APBB1IP: variants seen among roughly 807,000 people sequenced by gnomAD.
APBB1IP encodes amyloid beta A4 precursor protein-binding family B member 1-interacting protein.
APBB1IP carries 27 observed loss-of-function variants against 64.9 expected under a neutral mutation model. The observed-to-expected ratio is 0.42, with a 90% CI of 0.31 to 0.57. The LOEUF is 0.57. Ranked by LOEUF, APBB1IP falls within the 20% of genes least tolerant of loss-of-function variation. The pLI, the probability that APBB1IP is intolerant of heterozygous loss-of-function variation, is 0.20. For missense variants in APBB1IP, 812 were observed against 845.5 expected, an observed-to-expected ratio of 0.96 and a Z score of 0.49; for synonymous variants, 392 against 331.0, an observed-to-expected ratio of 1.18 and a Z score of -2.00.
chr10:26,486,801 G>A (rs1014203055), intron 2 of APBB1IP, among the ~76,000 whole-genome samples: 1 of 152,128 alleles, frequency 6.6e-6, no homozygotes, highest in African/African-American at 2.4e-5. Flanking sequence ...ATGTATCCAG[G>A]TGGAAAAGAG....
intron 2 of APBB1IP, among the ~76,000 whole-genome samples, chr10:26,491,147 C>G (rs754333562): frequency 6.6e-6 from 1 of 151,898 alleles, no homozygotes; most frequent in Non-Finnish European, 1.5e-5. Flanking sequence ...GGCATGGTGG[C>G]GGGTGCCTGT....
chr10:26,541,875 AC>A (rs1369388092), intron 11 of APBB1IP, among the ~76,000 whole-genome samples, 183 bp downstream of exon 11: 4 of 152,204 alleles, frequency 2.6e-5, no homozygotes, highest in Admixed American at 2.6e-4. Context: ...TCCTATCTGA[AC>A]CTAAAACTTT....
intron 8 of APBB1IP, 38 bp downstream of exon 8, chr10:26,513,698 C>A: frequency 6.6e-7 from 1 of 1,526,420 alleles, no homozygotes; most frequent in South Asian, 1.2e-5. Context: ...CTATAAAGTA[C>A]AAAGGATTTT....
chr10:26,556,711 A>G (rs1836899000), intron 11 of APBB1IP, among the ~76,000 whole-genome samples: 1 of 152,210 alleles, frequency 6.6e-6, no homozygotes, highest in South Asian at 2.1e-4. Context: ...TGCTCTGGAA[A>G]CTTGGTTCTC....
intron 14 of APBB1IP, among the ~76,000 whole-genome samples, chr10:26,566,397 G>A (rs1309833475): frequency 6.6e-6 from 1 of 152,110 alleles, no homozygotes; most frequent in Non-Finnish European, 1.5e-5. Flanking sequence ...CGGGACTACG[G>A]GCGTCTGCCA....
intron 2 of APBB1IP, among the ~76,000 whole-genome samples, chr10:26,483,915 C>T (rs1588580469): frequency 6.6e-6 from 1 of 152,126 alleles, no homozygotes; most frequent in Non-Finnish European, 1.5e-5. Context: ...GTCTTGCTCA[C>T]AAATATTCTG....
chr10:26,566,837 C>A, intron 14 of APBB1IP, 124 bp from the exon 15 acceptor site: 1 of 1,109,454 alleles, frequency 9.0e-7, no homozygotes, highest in Non-Finnish European at 1.2e-6. Context: ...GCAGTAAGTC[C>A]AGATCGCGCC....
chr10:26,464,965 A>G (rs1564351948), intron 2 of APBB1IP, among the ~76,000 whole-genome samples: 2 of 152,270 alleles, frequency 1.3e-5, no homozygotes, highest in African/African-American at 4.8e-5. Flanking sequence ...TGAATTAAAT[A>G]GAGAATTCAC....
intron 2 of APBB1IP, among the ~76,000 whole-genome samples, chr10:26,439,766 C>T (rs372841639): frequency 1.2e-4 from 19 of 152,306 alleles, no homozygotes; most frequent in East Asian, 9.6e-4. Flanking sequence ...ATTATGCCCC[C>T]AGATGTTTTT....
chr10:26,450,137 G>A (rs1481826670), intron 2 of APBB1IP, among the ~76,000 whole-genome samples: 1 of 152,126 alleles, frequency 6.6e-6, no homozygotes, highest in Non-Finnish European at 1.5e-5. Flanking sequence ...TTAAACGCTG[G>A]GCAGTTTTGC....
At chr10:26,557,646 G>A (rs887803588) in intron 11 of APBB1IP, among the ~76,000 whole-genome samples, 1 of 152,136 alleles carries the variant, frequency 6.6e-6, no homozygotes, top group Non-Finnish European at 1.5e-5. Flanking sequence ...GGAATATATA[G>A]TAACCTCTCT....
At chr10:26,467,068 T>C (rs1480267705) in intron 2 of APBB1IP, among the ~76,000 whole-genome samples, 1 of 152,156 alleles carries the variant, frequency 6.6e-6, no homozygotes, top group Non-Finnish European at 1.5e-5. Context: ...TGTGATCATT[T>C]GTAATGTTTT....
chr10:26,456,348 A>G (rs1321379286), intron 2 of APBB1IP, among the ~76,000 whole-genome samples: 1 of 152,214 alleles, frequency 6.6e-6, no homozygotes, highest in Admixed American at 6.5e-5. Context: ...TAGGAATTAT[A>G]GGGAAAATAG....
At chr10:26,523,742 G>A (rs1443439061) in intron 8 of APBB1IP, among the ~76,000 whole-genome samples, 1 of 152,028 alleles carries the variant, frequency 6.6e-6, no homozygotes, top group East Asian at 1.9e-4. Flanking sequence ...GCCAAGGTGG[G>A]AGGATCACTT....
At chr10:26,552,644 A>G (rs1836845957) in intron 11 of APBB1IP, among the ~76,000 whole-genome samples, 1 of 151,936 alleles carries the variant, frequency 6.6e-6, no homozygotes, top group Non-Finnish European at 1.5e-5. Context: ...GAAAAAAAAA[A>G]GGAAGGATAA....
At chr10:26,563,882 G>C (rs924520470) in intron 14 of APBB1IP, among the ~76,000 whole-genome samples, 1 of 151,814 alleles carries the variant, frequency 6.6e-6, no homozygotes, top group South Asian at 2.1e-4. Flanking sequence ...CTCCTCATGC[G>C]ATGTGCTTTC....
At chr10:26,540,371 T>A (rs1230942560) in intron 10 of APBB1IP, among the ~76,000 whole-genome samples, 1 of 152,104 alleles carries the variant, frequency 6.6e-6, no homozygotes, top group African/African-American at 2.4e-5. Flanking sequence ...GCTCAGGAAT[T>A]CAAGACCAGC....
intron 9 of APBB1IP, among the ~76,000 whole-genome samples, chr10:26,535,573 AC>A (rs903529797): frequency 1.3e-5 from 2 of 152,104 alleles, no homozygotes; most frequent in African/African-American, 4.8e-5. Flanking sequence ...ATTTTTTTGT[AC>A]CCATTAACTA....
intron 10 of APBB1IP, 78 bp downstream of exon 10, chr10:26,536,295 A>T: frequency 2.8e-6 from 4 of 1,419,754 alleles, no homozygotes; most frequent in Non-Finnish European, 3.8e-6. Context: ...TTAGTTGGCA[A>T]GTTAAATACA....
Sources: allele counts gnomAD v4.1 joint callset (sites outside exome capture counted in the v4.1 genomes callset), GRCh38; gene constraint gnomAD v4.1.1; transcripts MANE v1.5; gene names NCBI Gene and HGNC (gene_info 2026-07-23, HGNC 2026-07-21).